ATAD3B: variants seen among roughly 807,000 people sequenced by gnomAD.
ATAD3B encodes ATPase family AAA domain containing 3B, also known as ATPase family AAA domain-containing protein 3B.
Under a neutral mutation model 70.2 loss-of-function variants are expected in ATAD3B, and 59 were observed. The observed-to-expected ratio is 0.84, with a 90% CI of 0.68 to 1.04. The LOEUF is 1.04. ATAD3B is among the 50% of genes least tolerant of loss of function. ATAD3B has a pLI of 0.00. For missense variants in ATAD3B, 961 were observed against 913.4 expected (o/e 1.05, Z -0.67); for synonymous variants, 423 against 388.6 (o/e 1.09, Z -1.04).
chr1:1,480,814 G>C, intron 4 of ATAD3B, 53 bp from the exon 5 acceptor site: 4 of 1,593,412 alleles, frequency 2.5e-6, no homozygotes, highest in Non-Finnish European at 3.4e-6. Context: ...GATTGGTGTT[G>C]AGCATTTTTC....
Position 1,495,932 on chromosome 1 carries a change from A to G in ATAD3B, c.*115A>G. 3 of 1,420,816 alleles carry G rather than the reference A, an allele frequency of 2.1e-6. No homozygotes were observed. The highest frequency in any genetic ancestry group is 2.8e-6 in the Non-Finnish European group (3 of 1,090,294). 88.0% of individuals were successfully genotyped at this position (1,420,816 alleles called of 1,614,324 possible). On this transcript the variant is annotated 3_prime_UTR_variant, in exon 16 of 16. Coordinates refer to ENST00000673477, the MANE Select transcript of ATAD3B (RefSeq NM_031921.6). ...AGGCTTTGTACCCCAGCCCCTGCCC[A>G]GGCCACTGTGAGGGTGGGTGCTGGC...
chr1:1,492,958 G>GA (rs1557430535), intron 15 of ATAD3B, among the ~76,000 whole-genome samples: 1 of 142,652 alleles, frequency 7.0e-6, no homozygotes, highest in African/African-American at 2.9e-5. Flanking sequence ...AAAAAAGAAA[G>GA]AAATTAACCT....
chr1:1,490,733 T>A, intron 15 of ATAD3B, 62 bp downstream of exon 15: 1 of 1,535,202 alleles, frequency 6.5e-7, no homozygotes, highest in African/African-American at 1.4e-5. Flanking sequence ...GATGCTCAGT[T>A]GCGCCAGGCC....
chr1:1,502,375 T>C (rs1472626614), downstream of ATAD3B, among the ~76,000 whole-genome samples: 10 of 141,884 alleles, frequency 7.0e-5, no homozygotes, highest in East Asian at 2.1e-3. Flanking sequence ...CCACCGCGCC[T>C]GGCTAATTTT....
intron 13 of ATAD3B, 117 bp from the exon 14 acceptor site, chr1:1,490,140 A>G (rs1195281088): frequency 6.7e-7 from 1 of 1,485,378 alleles, no homozygotes; most frequent in Non-Finnish European, 8.9e-7. Flanking sequence ...TGTGCTCACA[A>G]GCTGCCGCTT....
chr1:1,484,370 A>AG (rs1434426820), intron 7 of ATAD3B: 1 of 151,964 alleles, frequency 6.6e-6, no homozygotes, highest in Non-Finnish European at 1.5e-5. Flanking sequence ...TTTAGTAGAG[A>AG]GAGGGTTTCA....
downstream of ATAD3B, among the ~76,000 whole-genome samples, chr1:1,502,220 C>A (rs1176600537): frequency 1.4e-5 from 2 of 142,666 alleles, no homozygotes; most frequent in Non-Finnish European, 3.1e-5. Flanking sequence ...TTTTCTCTCT[C>A]TTTTTTTTTT....
intron 1 of ATAD3B, among the ~76,000 whole-genome samples, chr1:1,475,018 C>T (rs1217504673): frequency 1.3e-5 from 2 of 149,168 alleles, no homozygotes; most frequent in Non-Finnish European, 1.5e-5. Context: ...GATCAGCCTG[C>T]GGCCCCCTGC....
At chr1:1,484,865 G>A (rs1008691781) in intron 7 of ATAD3B, 151 bp from the exon 8 acceptor site, 12 of 1,422,118 alleles carry the variant, frequency 8.4e-6, no homozygotes, top group Middle Eastern at 2.6e-4. Flanking sequence ...TGTGGGATTC[G>A]GGGCTGGGAA....
At chr1:1,491,822 C>T (rs1640555106) in intron 15 of ATAD3B, among the ~76,000 whole-genome samples, 1 of 151,994 alleles carries the variant, frequency 6.6e-6, no homozygotes, top group Admixed American at 6.6e-5. Context: ...CAAACCCCGT[C>T]CTTGTGGGTC....
the ATAD3B span, chr1:1,503,319 C>T: frequency 2.3e-6 from 1 of 440,278 alleles, no homozygotes; most frequent in African/African-American, 2.0e-5. Flanking sequence ...GAGCCTCCTC[C>T]CGTCCACGTG....
the ATAD3B span, chr1:1,509,413 C>T: frequency 6.6e-5 from 105 of 1,594,210 alleles, no homozygotes; most frequent in Non-Finnish European, 8.6e-5. Context: ...CCTGCCTTTG[C>T]GGCCCCGCAC....
At position 1,492,721 on chromosome 1, in the gene ATAD3B, C is replaced by T. The variant is rs942891355; in HGVS notation, c.1614+2050C>T. Among the ~76,000 whole-genome samples, 9 of 151,346 alleles carry T rather than the reference C, an allele frequency of 5.9e-5. No individual in the cohort carries two copies. The East Asian group carries it at 7.8e-4, about 13-fold the overall frequency. On this transcript the variant is annotated intron_variant, in intron 15 of 15. Coordinates refer to ENST00000673477, the MANE Select transcript of ATAD3B (RefSeq NM_031921.6). Reference sequence around the variant, plus strand: ...TTGGGAGGCCGAGGTGGGCGGATCACGGGGTCAGGAGTTCAAGACCAGCCT... The same window carrying T: ...TTGGGAGGCCGAGGTGGGCGGATCATGGGGTCAGGAGTTCAAGACCAGCCT...
chr1:1,500,897 C>T (rs1440049517), downstream of ATAD3B, among the ~76,000 whole-genome samples: 1 of 151,914 alleles, frequency 6.6e-6, no homozygotes, highest in Non-Finnish European at 1.5e-5. Context: ...GCGGAGCTTA[C>T]AGTGAGCCGA....
the ATAD3B span, among the ~76,000 whole-genome samples, chr1:1,507,854 G>A: frequency 6.6e-6 from 1 of 152,222 alleles, no homozygotes; most frequent in Non-Finnish European, 1.5e-5. Context: ...CAGAAAAATT[G>A]CAAGGGTAGC....
chr1:1,483,127 TAAA>T, intron 7 of ATAD3B: 1 of 398,904 alleles, frequency 2.5e-6, no homozygotes. Flanking sequence ...CTGTCTCTAC[TAAA>T]AAAAAGAAAA....
intron 12 of ATAD3B, among the ~76,000 whole-genome samples, chr1:1,488,652 A>G (rs819978): frequency 0.33 from 49,361 of 151,790 alleles, 14,491 homozygotes; most frequent in African/African-American, 0.75. Context: ...CCAGCTGCTC[A>G]GGATGCTGAT....
chr1:1,489,143 T>C, intron 12 of ATAD3B, 61 bp from the exon 13 acceptor site: 8 of 1,610,168 alleles, frequency 5.0e-6, no homozygotes, highest in Non-Finnish European at 6.8e-6. Context: ...TGGGACTTTC[T>C]GCTCTGGCTG....
At chr1:1,487,838 T>G (rs766462525) in intron 11 of ATAD3B, 25 bp from the exon 12 acceptor site, 1 of 1,611,956 alleles carries the variant, frequency 6.2e-7, no homozygotes, top group East Asian at 2.2e-5. Flanking sequence ...ACTCTCGCCT[T>G]GCTTGGCCTC....
Sources: allele counts gnomAD v4.1 joint callset (sites outside exome capture counted in the v4.1 genomes callset), GRCh38; gene constraint gnomAD v4.1.1; transcripts MANE v1.5; gene names NCBI Gene and HGNC (gene_info 2026-07-23, HGNC 2026-07-21).